Variants in SFSWAP observed in about 807,000 individuals in gnomAD.
SFSWAP encodes the protein splicing factor, suppressor of white-apricot homolog.
A neutral mutation model predicts 100.7 loss-of-function variants in SFSWAP; 17 were observed. The observed-to-expected ratio is 0.17, with a 90% CI of 0.12 to 0.25. The LOEUF is 0.25. Among genes scored for constraint, SFSWAP ranks in the 10% least tolerant of loss-of-function variants. The pLI is 1.00. For missense variants in SFSWAP, 1,005 were observed against 1,262.6 expected (o/e 0.80, Z 3.09); for synonymous variants, 504 against 510.1 (o/e 0.99, Z 0.16).
intron 7 of SFSWAP, among the ~76,000 whole-genome samples, chr12:131,737,414 G>A (rs745649905): frequency 1.3e-5 from 2 of 152,226 alleles, no homozygotes; most frequent in Admixed American, 6.5e-5. Context: ...TTTTTTCAGC[G>A]TGACTCGTCA....
At chr12:131,764,008 C>T (rs1566038319) in intron 11 of SFSWAP, among the ~76,000 whole-genome samples, 1 of 152,114 alleles carries the variant, frequency 6.6e-6, no homozygotes, top group Non-Finnish European at 1.5e-5. Context: ...CGCCTGTACT[C>T]CCAGCTACTC....
At chr12:131,795,962 G>T (rs990148373) in intron 15 of SFSWAP, among the ~76,000 whole-genome samples, 14 of 131,370 alleles carry the variant, frequency 1.1e-4, no homozygotes, top group Non-Finnish European at 2.0e-4. Context: ...CAGCAAGCAG[G>T]ACGGGAGGGG....
intron 4 of SFSWAP, among the ~76,000 whole-genome samples, chr12:131,722,684 A>T (rs977302477): frequency 2.0e-5 from 3 of 152,018 alleles, no homozygotes; most frequent in African/African-American, 7.2e-5. Flanking sequence ...GCAGCGGCTC[A>T]TGTCTGTGAT....
chr12:131,760,338 AAGAC>A (rs1474935313), intron 11 of SFSWAP, among the ~76,000 whole-genome samples: 1 of 152,232 alleles, frequency 6.6e-6, no homozygotes, highest in Non-Finnish European at 1.5e-5. Context: ...TCAATACAAA[AAGAC>A]AGTCACTGAC....
intron 12 of SFSWAP, 52 bp from the exon 13 acceptor site, chr12:131,766,066 A>T (rs1455604529): frequency 1.3e-6 from 2 of 1,544,206 alleles, no homozygotes; most frequent in Non-Finnish European, 1.7e-6. Context: ...TTAAGATCAG[A>T]TAAAATACTG....
chr12:131,770,919 G>A (rs1359587191), intron 13 of SFSWAP, among the ~76,000 whole-genome samples: 1 of 152,214 alleles, frequency 6.6e-6, no homozygotes, highest in African/African-American at 2.4e-5. Context: ...GGGACCGCAT[G>A]TGTGTGGGAT....
intron 15 of SFSWAP, among the ~76,000 whole-genome samples, chr12:131,795,838 C>T (rs1426097633): frequency 6.6e-6 from 1 of 151,156 alleles, no homozygotes; most frequent in East Asian, 2.0e-4. Context: ...GCACATTGAG[C>T]AGTTTGGGTC....
chr12:131,739,920 C>T (rs1880442389), intron 7 of SFSWAP, among the ~76,000 whole-genome samples: 2 of 151,988 alleles, frequency 1.3e-5, no homozygotes, highest in African/African-American at 2.4e-5. Flanking sequence ...GTTATTTATT[C>T]GATTCATCTT....
intron 13 of SFSWAP, among the ~76,000 whole-genome samples, chr12:131,773,941 C>G (rs1244856040): frequency 6.6e-6 from 1 of 152,160 alleles, no homozygotes; most frequent in Non-Finnish European, 1.5e-5. Flanking sequence ...TAGTGAGGGC[C>G]CACGAGGGCC....
Position 131,764,726 on chromosome 12 carries a change from T to C in SFSWAP, c.1951+40T>C. ...TTTAAACTTCTTGAAAGAAAGGAAA[T>C]ACACAAATATAAGATTTATCTGCTA... On this transcript the variant is annotated intron_variant, in intron 12 of 17. Transcript: ENST00000261674. 3.5e-6 allele frequency: 5 copies of C among 1,416,492 alleles called. No homozygotes were observed. The South Asian group carries it at 6.2e-5, about 17-fold the overall frequency. The allele number at this position is 1,416,492 out of a possible 1,614,324, so 87.7% of individuals were successfully genotyped here.
chr12:131,726,286 T>G (rs1359055798), intron 5 of SFSWAP, among the ~76,000 whole-genome samples: 1 of 152,176 alleles, frequency 6.6e-6, no homozygotes, highest in African/African-American at 2.4e-5. Context: ...CTTGGCTTAC[T>G]GCAACCTCCG....
At chr12:131,715,233 A>C (rs1195416222) in intron 3 of SFSWAP, among the ~76,000 whole-genome samples, 1 of 152,206 alleles carries the variant, frequency 6.6e-6, no homozygotes, top group Non-Finnish European at 1.5e-5. Context: ...GATTGGTAAC[A>C]TGTTCATTAA....
chr12:131,782,279 C>T (rs1231625983), intron 14 of SFSWAP, among the ~76,000 whole-genome samples: 3 of 152,212 alleles, frequency 2.0e-5, no homozygotes, highest in Non-Finnish European at 4.4e-5. Context: ...GGCTGCAAAC[C>T]TGCCTCCTCC....
chr12:131,769,647 G>A (rs982424587), intron 13 of SFSWAP, among the ~76,000 whole-genome samples: 2 of 151,842 alleles, frequency 1.3e-5, no homozygotes, highest in Non-Finnish European at 2.9e-5. Flanking sequence ...TGTTTTTTGA[G>A]ACAGAGTCTT....
chr12:131,764,757 A>G (rs1882970255), intron 12 of SFSWAP, 71 bp downstream of exon 12: 1 of 1,120,844 alleles, frequency 8.9e-7, no homozygotes, highest in Admixed American at 2.5e-5. Context: ...TGCTAAGCCA[A>G]AAAATCTCGA....
intron 13 of SFSWAP, among the ~76,000 whole-genome samples, chr12:131,770,439 G>A (rs945620010): frequency 1.3e-5 from 2 of 152,158 alleles, no homozygotes; most frequent in Admixed American, 6.5e-5. Flanking sequence ...GGCATAACAT[G>A]GCAGGAATTT....
intron 14 of SFSWAP, among the ~76,000 whole-genome samples, chr12:131,779,316 T>TGAGC (rs1566051767): frequency 3.3e-5 from 5 of 151,024 alleles, no homozygotes; most frequent in East Asian, 2.0e-4. Flanking sequence ...GCGGCGCTGG[T>TGAGC]GCAGAATGTT....
At chr12:131,749,861 G>A (rs535060606) in intron 7 of SFSWAP, among the ~76,000 whole-genome samples, 24 of 152,216 alleles carry the variant, frequency 1.6e-4, no homozygotes, top group Non-Finnish European at 3.1e-4. Flanking sequence ...GCCATAGGGC[G>A]TTGTTTACAG....
intron 13 of SFSWAP, 108 bp downstream of exon 13, chr12:131,766,416 G>A (rs1883124644): frequency 2.0e-6 from 2 of 985,778 alleles, no homozygotes; most frequent in Admixed American, 2.1e-5. Context: ...TGAGGGATAT[G>A]AGCTCCCAGC....
Sources: allele counts gnomAD v4.1 joint callset (sites outside exome capture counted in the v4.1 genomes callset), GRCh38; gene constraint gnomAD v4.1.1; transcripts MANE v1.5; gene names NCBI Gene and HGNC (gene_info 2026-07-23, HGNC 2026-07-21).